The following POLK variants were observed in gnomAD, a reference collection of about 807,000 sequenced individuals.
POLK encodes the protein polymerase (DNA directed) kappa.
A neutral mutation model predicts 94.0 loss-of-function variants in POLK; 76 were observed. The observed-to-expected ratio is 0.81, with a 90% CI of 0.67 to 0.98. The LOEUF (loss-of-function observed/expected upper bound fraction) is 0.98. Among genes scored for constraint, POLK ranks in the 50% least tolerant of loss-of-function variants. The pLI is 0.00. For missense variants in POLK, 954 were observed against 1,010.1 expected (o/e 0.94, Z 0.75); for synonymous variants, 349 against 325.4 (o/e 1.07, Z -0.78).
chr5:75,582,006 T>C (rs929248419), intron 7 of POLK: 13 of 985,658 alleles, frequency 1.3e-5, no homozygotes, highest in Non-Finnish European at 1.4e-5. Flanking sequence ...TATCTTTTTC[T>C]AGCACAAAAT....
chr5:75,586,318 G>A (rs1772468865), intron 9 of POLK, among the ~76,000 whole-genome samples: 1 of 151,868 alleles, frequency 6.6e-6, no homozygotes, highest in Non-Finnish European at 1.5e-5. Flanking sequence ...TACTATATTT[G>A]TTATCTGTCT....
intron 3 of POLK, among the ~76,000 whole-genome samples, chr5:75,561,358 G>T (rs955965105): frequency 4.6e-5 from 7 of 151,926 alleles, no homozygotes; most frequent in Non-Finnish European, 8.8e-5. Flanking sequence ...GGGTTGTTTG[G>T]TTTTTTCTTG....
intron 10 of POLK, 23 bp downstream of exon 10, chr5:75,587,081 T>G: frequency 8.1e-7 from 1 of 1,228,120 alleles, no homozygotes; most frequent in Non-Finnish European, 1.2e-6. Flanking sequence ...TATTTATTGT[T>G]AATTGTGCAT....
At chr5:75,566,988 C>T (rs1364483335) in intron 3 of POLK, among the ~76,000 whole-genome samples, 1 of 152,132 alleles carries the variant, frequency 6.6e-6, no homozygotes. Flanking sequence ...TAGTGGCATG[C>T]ATCTGGTTGA....
At chr5:75,568,143 C>A (rs1771381003) in intron 3 of POLK, among the ~76,000 whole-genome samples, 1 of 152,164 alleles carries the variant, frequency 6.6e-6, no homozygotes, top group Admixed American at 6.5e-5. Context: ...CATAGATGAC[C>A]CCACTTGCTC....
chr5:75,530,387 T>C (rs563974678), intron 1 of POLK, among the ~76,000 whole-genome samples: 3 of 144,468 alleles, frequency 2.1e-5, no homozygotes, highest in East Asian at 4.0e-4. Context: ...TATTTTTTTT[T>C]CCCTTTTTCT....
intron 1 of POLK, among the ~76,000 whole-genome samples, chr5:75,516,339 T>C (rs188760614): frequency 6.6e-6 from 1 of 152,288 alleles, no homozygotes; most frequent in Admixed American, 6.5e-5. Flanking sequence ...ATCCCAGCAC[T>C]TTGGGAGGCT....
intron 1 of POLK, among the ~76,000 whole-genome samples, chr5:75,525,252 C>G (rs1183314950): frequency 1.3e-5 from 2 of 152,094 alleles, no homozygotes; most frequent in Non-Finnish European, 2.9e-5. Context: ...ACTATTAAAA[C>G]TGTGCTTAAC....
chr5:75,572,814 T>G (rs1366981302), intron 4 of POLK, among the ~76,000 whole-genome samples: 1 of 152,078 alleles, frequency 6.6e-6, no homozygotes, highest in Non-Finnish European at 1.5e-5. Flanking sequence ...CACAATGAGA[T>G]ACCATCTCAC....
In POLK at chr5:75,581,463, A is replaced by AT; in HGVS notation, c.934+17dup. On this transcript the variant is annotated intron_variant, in intron 7 of 14. Coordinates refer to ENST00000241436, the Ensembl canonical transcript of POLK. ...AGCCAGTGCAGGTATTTAAAAGAGT[A>AT]TTGATGGCCACTGTAGTTATAATTT... 1.2e-6 allele frequency: 2 copies of AT among 1,606,008 alleles called. No individual in the cohort carries two copies. The highest frequency in any genetic ancestry group is 1.7e-6 in the Non-Finnish European group (2 of 1,173,296).
At chr5:75,521,266 C>A (rs1029159648) in intron 1 of POLK, among the ~76,000 whole-genome samples, 1 of 152,094 alleles carries the variant, frequency 6.6e-6, no homozygotes, top group Admixed American at 6.5e-5. Flanking sequence ...TCTATATCTT[C>A]TAGGCAATCT....
At chr5:75,560,499 AT>A (rs1006227337) in intron 3 of POLK, among the ~76,000 whole-genome samples, 38 of 152,164 alleles carry the variant, frequency 2.5e-4, no homozygotes, top group African/African-American at 8.7e-4. Flanking sequence ...CCGTTATTCT[AT>A]TTTTTGTTTC....
At chr5:75,558,235 GTT>G (rs200403831) in intron 3 of POLK, among the ~76,000 whole-genome samples, 2 of 134,202 alleles carry the variant, frequency 1.5e-5, no homozygotes, top group South Asian at 2.4e-4. Flanking sequence ...TTTTGTTGTT[GTT>G]TTTTTTTTTT....
chr5:75,588,967 G>A (rs1772611182), intron 10 of POLK, among the ~76,000 whole-genome samples: 1 of 152,178 alleles, frequency 6.6e-6, no homozygotes, highest in Non-Finnish European at 1.5e-5. Context: ...CCAGGGATTA[G>A]GATGTGGACA....
chr5:75,589,608 G>A (rs902131515), intron 10 of POLK, among the ~76,000 whole-genome samples: 8 of 151,892 alleles, frequency 5.3e-5, no homozygotes, highest in African/African-American at 1.7e-4. Context: ...CCGTATACGT[G>A]GAATATTTCT....
chr5:75,566,994 G>T (rs1455378307), intron 3 of POLK, among the ~76,000 whole-genome samples: 3 of 152,166 alleles, frequency 2.0e-5, no homozygotes, highest in Non-Finnish European at 4.4e-5. Context: ...CATGCATCTG[G>T]TTGATGTAGA....
intron 1 of POLK, among the ~76,000 whole-genome samples, chr5:75,541,457 G>C (rs1398751901): frequency 6.6e-6 from 1 of 152,138 alleles, no homozygotes; most frequent in Non-Finnish European, 1.5e-5. Flanking sequence ...AATGTCTTTA[G>C]GATGAAGTAG....
At chr5:75,528,507 A>T (rs1162235844) in intron 1 of POLK, among the ~76,000 whole-genome samples, 1 of 152,138 alleles carries the variant, frequency 6.6e-6, no homozygotes, top group African/African-American at 2.4e-5. Context: ...ATAAACATTG[A>T]TGCTATATTA....
chr5:75,511,596 T>C, upstream of POLK: 5 of 1,466,400 alleles, frequency 3.4e-6, no homozygotes, highest in Non-Finnish European at 4.5e-6. Flanking sequence ...ACACCTCCGC[T>C]ACCGCCGCCA....
Sources: allele counts gnomAD v4.1 joint callset (sites outside exome capture counted in the v4.1 genomes callset), GRCh38; gene constraint gnomAD v4.1.1; transcripts MANE v1.5; gene names NCBI Gene and HGNC (gene_info 2026-07-23, HGNC 2026-07-21).